NKIRAS1: variants seen among roughly 807,000 people sequenced by gnomAD.
The protein encoded by NKIRAS1 is NF-kappa-B inhibitor-interacting Ras-like protein 1.
A neutral mutation model predicts 19.8 loss-of-function variants in NKIRAS1; 16 were observed. The ratio of observed to expected loss-of-function variants is 0.81; its 90% CI spans 0.55 to 1.23. NKIRAS1 has a LOEUF of 1.23. Among genes scored for constraint, NKIRAS1 ranks in the 50% most tolerant of loss-of-function variants. The pLI is 0.00. For missense variants in NKIRAS1, 184 were observed against 220.0 expected, an observed-to-expected ratio of 0.84 and a Z score of 1.04; for synonymous variants, 88 against 79.0, an observed-to-expected ratio of 1.11 and a Z score of -0.61.
rs1226249088 is a variant in NKIRAS1, at chr3:23,946,033, G to T, written c.-140+290C>A. 4 of 863,420 alleles carry T rather than the reference G, an allele frequency of 4.6e-6. No homozygotes were observed. The Admixed American group carries it at 1.9e-4, about 40-fold the overall frequency. The allele number at this position is 863,420 out of a possible 1,614,324, so 53.5% of individuals were successfully genotyped here. ...CGCAGGGACACGTGGGGGCGGGGGC[G>T]CGCGCGCGCGCGCTGGCTGGGAGCG... On this transcript the variant is annotated intron_variant, in intron 1 of 4. Coordinates refer to the NKIRAS1 transcript ENST00000421515.
intron 1 of NKIRAS1, chr3:23,945,273 G>T (rs1705613548): frequency 6.5e-6 from 1 of 153,924 alleles, no homozygotes; most frequent in Non-Finnish European, 1.4e-5. Context: ...ACATGGTCGC[G>T]GCTGCCCTCC....
chr3:23,893,282 TCCA>T lies in NKIRAS1; in HGVS notation c.389_391del (p.Val130del). 1.9e-6 allele frequency: 3 copies of T among 1,614,024 alleles called. No individual in the cohort carries two copies. Among genetic ancestry groups the T allele is most frequent in the Non-Finnish European group, 2.5e-6 (3 of 1,179,898 alleles). On this transcript the variant is annotated inframe_deletion, in exon 5 of 5. Transcript: ENST00000425478. ...TGCCCACTGCTGTGCCACTTCAGCG[TCCA>T]CTTGTCTCTGCTCAGAAAGGTCGAT...
chr3:23,906,842 G>A (rs1187859104), intron 3 of NKIRAS1, among the ~76,000 whole-genome samples: 1 of 151,888 alleles, frequency 6.6e-6, no homozygotes, highest in Non-Finnish European at 1.5e-5. Context: ...TTTAAATAAT[G>A]GTAACCTCTT....
At chr3:23,905,928 G>A (rs2125397998) in intron 3 of NKIRAS1, among the ~76,000 whole-genome samples, 1 of 152,256 alleles carries the variant, frequency 6.6e-6, no homozygotes, top group Non-Finnish European at 1.5e-5. Flanking sequence ...GGAGGCTGAG[G>A]CAGGCAGATT....
upstream of NKIRAS1, chr3:23,920,104 T>C (rs371102571): frequency 2.0e-6 from 2 of 985,928 alleles, no homozygotes; most frequent in African/African-American, 3.5e-5. Flanking sequence ...GATAAAATTA[T>C]TAGCCTTAAG....
chr3:23,919,565 G>A (rs559932039), upstream of NKIRAS1: 15 of 1,440,442 alleles, frequency 1.0e-5, no homozygotes, highest in African/African-American at 1.7e-4. Flanking sequence ...TCTGCTTACA[G>A]GTGTTATTTG....
At chr3:23,946,006 G>GC in intron 1 of NKIRAS1, 1 of 685,664 alleles carries the variant, frequency 1.5e-6, no homozygotes, top group South Asian at 6.3e-5. Context: ...ATTCCCCGGG[G>GC]CCGCAGGGAC....
chr3:23,890,408 C>CACAT lies in NKIRAS1; in HGVS notation c.*2683_*2686dup. 1.9e-6 allele frequency: 2 copies of CACAT among 1,077,190 alleles called. No individual in the cohort carries two copies. The highest frequency in any genetic ancestry group is 5.2e-5 in the East Asian group (2 of 38,562). 66.7% of individuals were successfully genotyped at this position (1,077,190 alleles called of 1,614,324 possible). Reference sequence around the variant, plus strand: ...GGTGTTTCGAAGATGGGTTTGATCACACATACTTTGTCGTACGTATCTACC... The same window carrying CACAT: ...GGTGTTTCGAAGATGGGTTTGATCACACATACATACTTTGTCGTACGTATCTACC... On this transcript the variant is annotated 3_prime_UTR_variant, in exon 5 of 5. Coordinates refer to ENST00000425478, the MANE Select transcript of NKIRAS1 (RefSeq NM_020345.4).
upstream of NKIRAS1, chr3:23,920,449 C>T (rs1657358829): frequency 6.1e-6 from 6 of 985,214 alleles, no homozygotes; most frequent in Admixed American, 6.1e-5. Context: ...AAAATCCTTA[C>T]CATTCCACAA....
intron 3 of NKIRAS1, among the ~76,000 whole-genome samples, chr3:23,908,016 G>T (rs1261619084): frequency 6.6e-6 from 1 of 152,126 alleles, no homozygotes; most frequent in Non-Finnish European, 1.5e-5. Context: ...AGTAACTATG[G>T]TAACAGTATT....
At chr3:23,919,948 T>G, upstream of NKIRAS1, 1 of 989,012 alleles carries the variant, frequency 1.0e-6, no homozygotes, top group Non-Finnish European at 1.2e-6. Flanking sequence ...AAATCTGGGT[T>G]AGCCTGAAGA....
upstream of NKIRAS1, chr3:23,920,908 G>A (rs932437726): frequency 7.5e-5 from 24 of 322,008 alleles, no homozygotes; most frequent in Non-Finnish European, 9.4e-5. Context: ...CAAACCAAAT[G>A]CCCTAACCAG....
At chr3:23,941,881 T>A (rs1275446322) in intron 1 of NKIRAS1, among the ~76,000 whole-genome samples, 2 of 152,262 alleles carry the variant, frequency 1.3e-5, no homozygotes, top group African/African-American at 4.8e-5. Context: ...AAAGATATAC[T>A]TTGCAATGGC....
At chr3:23,933,143 C>G (rs1350802971) in intron 1 of NKIRAS1, among the ~76,000 whole-genome samples, 13 of 152,142 alleles carry the variant, frequency 8.5e-5, no homozygotes, top group African/African-American at 2.4e-5. Flanking sequence ...CTGTTAAGAT[C>G]ATACCTGTGT....
At chr3:23,900,641 CAAAAA>C (rs57762803) in intron 4 of NKIRAS1, among the ~76,000 whole-genome samples, 162 bp downstream of exon 4, 1 of 114,170 alleles carries the variant, frequency 8.8e-6, no homozygotes. Context: ...GACTCCGTCT[CAAAAA>C]AAAAAAAAAA....
At position 23,931,905 on chromosome 3, in the gene NKIRAS1, G is replaced by C. The variant is rs1424383655; in HGVS notation, c.-140+14418C>G. On this transcript the variant is annotated intron_variant, in intron 1 of 4. Coordinates refer to the NKIRAS1 transcript ENST00000421515. The stretch of plus-strand genomic sequence containing the variant: ...TCTATGGGCACTGGGCAGAGACAGG[G>C]TGTTTTATCAAGTCTTTGTCTGGAG... Among the ~76,000 whole-genome samples, 3 of 152,290 alleles carry C rather than the reference G, an allele frequency of 2.0e-5. No individual in the cohort carries two copies. The South Asian group carries it at 6.2e-4, about 32-fold the overall frequency.
At chr3:23,895,148 G>A (rs751449249) in intron 4 of NKIRAS1, among the ~76,000 whole-genome samples, 9 of 152,080 alleles carry the variant, frequency 5.9e-5, no homozygotes, top group South Asian at 2.1e-4. Flanking sequence ...GGGCTCAAGC[G>A]ATCGTGATCC....
chr3:23,939,444 T>C (rs1033466788), intron 1 of NKIRAS1, among the ~76,000 whole-genome samples: 1 of 152,128 alleles, frequency 6.6e-6, no homozygotes, highest in Non-Finnish European at 1.5e-5. Flanking sequence ...ATAAATAAAA[T>C]TAAGAATGGG....
At chr3:23,930,352 C>T (rs565512830) in intron 1 of NKIRAS1, among the ~76,000 whole-genome samples, 6 of 152,084 alleles carry the variant, frequency 3.9e-5, no homozygotes, top group South Asian at 2.1e-4. Flanking sequence ...CCCTGCAATT[C>T]GTTCTCCCAA....
Sources: allele counts gnomAD v4.1 joint callset (sites outside exome capture counted in the v4.1 genomes callset), GRCh38; gene constraint gnomAD v4.1.1; transcripts MANE v1.5; gene names NCBI Gene and HGNC (gene_info 2026-07-23, HGNC 2026-07-21).